ENOX1: variants seen among roughly 807,000 people sequenced by gnomAD.
The protein encoded by ENOX1 is ecto-NOX disulfide-thiol exchanger 1, also known as candidate growth-related and time keeping constitutive hydroquinone (NADH) oxidase.
ENOX1 carries 42 observed loss-of-function variants against 82.5 expected under a neutral mutation model. The observed-to-expected ratio is 0.51, with a 90% CI of 0.40 to 0.66. The LOEUF is 0.66. ENOX1 is among the 30% of genes least tolerant of loss of function. ENOX1 has a pLI of 0.00. For synonymous variants in ENOX1, 271 were observed against 282.2 expected, an observed-to-expected ratio of 0.96 and a Z score of 0.40; for missense variants, 608 against 811.6, an observed-to-expected ratio of 0.75 and a Z score of 3.05.
chr13:43,593,234 T>C (rs1198387652), intron 2 of ENOX1, among the ~76,000 whole-genome samples: 6 of 152,196 alleles, frequency 3.9e-5, no homozygotes, highest in Admixed American at 3.3e-4. Flanking sequence ...GGAATTCTAC[T>C]GATTTTGCCC....
intron 1 of ENOX1, among the ~76,000 whole-genome samples, chr13:43,675,812 T>G (rs1379601386): frequency 6.6e-6 from 1 of 152,176 alleles, no homozygotes; most frequent in Non-Finnish European, 1.5e-5. Flanking sequence ...CTGCAAGCAC[T>G]GCGAGAGAAC....
chr13:43,759,185 G>A (rs1027250014), intron 1 of ENOX1, among the ~76,000 whole-genome samples: 6 of 141,582 alleles, frequency 4.2e-5, no homozygotes, highest in Non-Finnish European at 9.0e-5. Context: ...TGCAACCTCT[G>A]CCTCCTGGGT....
chr13:43,388,379 A>C (rs1053605340), intron 5 of ENOX1, among the ~76,000 whole-genome samples: 6 of 152,194 alleles, frequency 3.9e-5, no homozygotes, highest in Non-Finnish European at 5.9e-5. Flanking sequence ...GAGTTCTAAA[A>C]ATGACTTGTG....
At chr13:43,622,882 G>A (rs2082802068) in intron 2 of ENOX1, among the ~76,000 whole-genome samples, 1 of 152,088 alleles carries the variant, frequency 6.6e-6, no homozygotes, top group South Asian at 2.1e-4. Flanking sequence ...ATTAGGTCGG[G>A]GCAGGGCTAG....
intron 5 of ENOX1, among the ~76,000 whole-genome samples, chr13:43,410,983 T>C (rs992453411): frequency 1.3e-5 from 2 of 152,178 alleles, no homozygotes; most frequent in African/African-American, 4.8e-5. Flanking sequence ...AGCGGCTCAA[T>C]GAGTATTTGT....
intron 1 of ENOX1, among the ~76,000 whole-genome samples, chr13:43,775,631 CT>C (rs750544136): frequency 6.6e-6 from 1 of 152,182 alleles, no homozygotes; most frequent in Non-Finnish European, 1.5e-5. Context: ...TTGATGTGCC[CT>C]TTTGAACATC....
At chr13:43,441,272 A>T (rs1287542759) in intron 3 of ENOX1, among the ~76,000 whole-genome samples, 2 of 152,226 alleles carry the variant, frequency 1.3e-5, no homozygotes, top group Non-Finnish European at 2.9e-5. Flanking sequence ...CCCATGACTT[A>T]TAAGAAAAAA....
intron 2 of ENOX1, among the ~76,000 whole-genome samples, chr13:43,606,771 T>C (rs577968544): frequency 6.6e-6 from 1 of 152,122 alleles, no homozygotes; most frequent in East Asian, 1.9e-4. Context: ...GTCCCAGAAC[T>C]TTGGGAGGCT....
In ENOX1 at chr13:43,355,956, C is replaced by A. The variant is rs1032829159; in HGVS notation, c.786G>T (p.Ser262=). ...CAGCCAGCAGAGCGGCTTCGTGCTC[C>A]GAGTAGTGCATTATGGCAGGCGGGG... ...PPSPPAIMHY[S]EHEAALLAEK... The change falls in exon 8 of 17, where the codon TCG becomes TCT. Residue 262 remains serine (S), a synonymous_variant. Transcript: ENST00000690772. 6.2e-7 allele frequency: 1 copy of A among 1,613,980 alleles called. No individual in the cohort carries two copies. Among genetic ancestry groups the A allele is most frequent in the South Asian group, 1.1e-5 (1 of 91,058 alleles).
At position 43,316,167 on chromosome 13, in the gene ENOX1, C is replaced by G. The variant is rs75888214; in HGVS notation, c.1261+6217G>C. Among the ~76,000 whole-genome samples, 1,077 of 152,310 alleles carry G rather than the reference C, an allele frequency of 7.1e-3. 11 individuals carry two copies. The highest frequency in any genetic ancestry group is 0.02 in the African/African-American group (851 of 41,550). Reference sequence around the variant, plus strand: ...GCAAGAAGCCAGGGCCTGACAGGAGCTGGGAACATGCTGGGCTGTCATGCA... The same window carrying G: ...GCAAGAAGCCAGGGCCTGACAGGAGGTGGGAACATGCTGGGCTGTCATGCA... On this transcript the variant is annotated intron_variant, in intron 11 of 16. Transcript: ENST00000690772.
rs147413553 is a variant in ENOX1 at position 43,699,155 on chromosome 13, T to G, written c.-284-31611A>C. 6.1e-3 allele frequency among the ~76,000 whole-genome samples: 934 copies of G among 152,276 alleles called. 5 individuals are homozygous for G. The highest frequency in any genetic ancestry group is 0.021 in the African/African-American group (889 of 41,560). The stretch of plus-strand genomic sequence containing the variant: ...AGCATGGTTGCTCAGGCCCTCCAAG[T>G]AGTATCATGGAAAAGTGCAGTGGCC... On this transcript the variant is annotated intron_variant, in intron 1 of 16. Transcript: ENST00000690772.
chr13:43,374,623 A>G (rs1594209324), intron 5 of ENOX1, among the ~76,000 whole-genome samples: 1 of 152,378 alleles, frequency 6.6e-6, no homozygotes. Flanking sequence ...TCAGGGGTCT[A>G]TATTTCATTC....
intron 1 of ENOX1, among the ~76,000 whole-genome samples, chr13:43,697,559 A>G (rs2086701727): frequency 6.6e-6 from 1 of 152,176 alleles, no homozygotes; most frequent in South Asian, 2.1e-4. Context: ...AGCAGCAGGA[A>G]TTTCCAGTCA....
intron 2 of ENOX1, among the ~76,000 whole-genome samples, chr13:43,529,167 T>C (rs894284638): frequency 6.6e-6 from 1 of 152,032 alleles, no homozygotes; most frequent in Admixed American, 6.6e-5. Flanking sequence ...TATTATTGCA[T>C]GCTGTTCTGA....
intron 2 of ENOX1, among the ~76,000 whole-genome samples, chr13:43,623,977 G>C (rs1274455807): frequency 6.6e-6 from 1 of 152,120 alleles, no homozygotes; most frequent in Admixed American, 6.5e-5. Context: ...TATGATAGTT[G>C]CGTGTTTAGT....
At chr13:43,250,723 C>G (rs1176948121) in intron 14 of ENOX1, among the ~76,000 whole-genome samples, 1 of 152,060 alleles carries the variant, frequency 6.6e-6, no homozygotes, top group African/African-American at 2.4e-5. Context: ...GTTAAGACAA[C>G]AAGATTCAAA....
intron 2 of ENOX1, among the ~76,000 whole-genome samples, chr13:43,572,828 C>G (rs1012314815): frequency 6.6e-6 from 1 of 152,226 alleles, no homozygotes; most frequent in East Asian, 1.9e-4. Context: ...TCTATCCCTG[C>G]TGTTAGAGGG....
intron 5 of ENOX1, among the ~76,000 whole-genome samples, chr13:43,407,531 C>T (rs1288908823): frequency 5.3e-5 from 8 of 152,166 alleles, no homozygotes; most frequent in Non-Finnish European, 8.8e-5. Flanking sequence ...ATCAACCCAT[C>T]ATCTAGGTTT....
At chr13:43,470,889 T>C (rs1566310203) in intron 3 of ENOX1, among the ~76,000 whole-genome samples, 2 of 152,108 alleles carry the variant, frequency 1.3e-5, no homozygotes, top group Non-Finnish European at 2.9e-5. Flanking sequence ...GGTGAGGATG[T>C]AGAACACTAA....
Sources: gnomAD v4.1 joint callset for allele counts (sites outside exome capture counted in the v4.1 genomes callset) on GRCh38, gnomAD v4.1.1 for gene constraint, MANE v1.5 for transcripts, NCBI Gene and HGNC (gene_info 2026-07-23, HGNC 2026-07-21) for gene names.